The following KDM4C variants were observed in gnomAD, a reference collection of about 807,000 sequenced individuals.
KDM4C encodes lysine demethylase 4C, also known as lysine-specific demethylase 4C.
Under a neutral mutation model 129.3 loss-of-function variants are expected in KDM4C, and 81 were observed. The observed-to-expected ratio is 0.63, with a 90% confidence interval of 0.52 to 0.75. KDM4C has a LOEUF of 0.75. Ranked by LOEUF, KDM4C falls within the 30% of genes least tolerant of loss-of-function variation. The pLI is 0.00. For synonymous variants in KDM4C, 573 were observed against 456.1 expected, an observed-to-expected ratio of 1.26 and a Z score of -3.26; for missense variants, 1,457 against 1,304.0, an observed-to-expected ratio of 1.12 and a Z score of -1.81.
chr9:6,875,897 A>T (rs1204310377), intron 5 of KDM4C, among the ~76,000 whole-genome samples: 1 of 152,228 alleles, frequency 6.6e-6, no homozygotes, highest in Non-Finnish European at 1.5e-5. Context: ...CTAGCAGCAC[A>T]TCTATTATAA....
At chr9:6,885,382 G>C (rs1416529944) in intron 6 of KDM4C, among the ~76,000 whole-genome samples, 2 of 152,172 alleles carry the variant, frequency 1.3e-5, no homozygotes, top group African/African-American at 4.8e-5. Context: ...TGATCCTTGA[G>C]AGAGCTTATG....
At chr9:6,983,611 C>CACACACACACACACAT (rs1392943833) in intron 9 of KDM4C, among the ~76,000 whole-genome samples, 5 of 144,124 alleles carry the variant, frequency 3.5e-5, no homozygotes, top group African/African-American at 1.3e-4. Flanking sequence ...CACACACACA[C>CACACACACACACACAT]ACCAGTTAGC....
intron 8 of KDM4C, among the ~76,000 whole-genome samples, chr9:6,894,586 C>G (rs1846564166): frequency 6.6e-6 from 1 of 152,212 alleles, no homozygotes; most frequent in Non-Finnish European, 1.5e-5. Flanking sequence ...AATATTGATT[C>G]TTGTTTAATA....
chr9:6,782,464 C>T (rs1442244696), intron 1 of KDM4C, among the ~76,000 whole-genome samples: 1 of 152,086 alleles, frequency 6.6e-6, no homozygotes, highest in Non-Finnish European at 1.5e-5. Context: ...ATTCATGGTC[C>T]CTCTCTCAAT....
At chr9:6,752,451 C>T (rs2130309973) in intron 1 of KDM4C, among the ~76,000 whole-genome samples, 1 of 148,176 alleles carries the variant, frequency 6.7e-6, no homozygotes, top group Admixed American at 6.7e-5. Flanking sequence ...GCTCTTGTTG[C>T]CCAAGCTGGA....
chr9:6,805,763 C>T lies in KDM4C; in HGVS notation c.309C>T (p.Ala103=). Reference sequence around the variant, plus strand: ...CTGTGAAGGAGTTCAGGCAGCTGGCCAACAGTGGCAAGTGAGTAGAATCAG... The same window carrying T: ...CTGTGAAGGAGTTCAGGCAGCTGGCTAACAGTGGCAAGTGAGTAGAATCAG... ...AMTVKEFRQL[A]NSGKYCTPRY... is the part of the protein sequence containing the mutation. Residue 103 remains alanine (A), a synonymous_variant, in exon 3 of 22, where the codon GCC becomes GCT. Coordinates refer to ENST00000381309, the MANE Select transcript of KDM4C (RefSeq NM_015061.6). 1 of 1,611,226 alleles carries T rather than the reference C, an allele frequency of 6.2e-7. No individual in the cohort carries two copies. The highest frequency in any genetic ancestry group is 8.5e-7 in the Non-Finnish European group (1 of 1,179,068).
In KDM4C at chr9:7,061,777, C is replaced by T. The variant is rs114167819; in HGVS notation, c.2424+12577C>T. On this transcript the variant is annotated intron_variant, in intron 17 of 21. Coordinates refer to ENST00000381309, the MANE Select transcript of KDM4C (RefSeq NM_015061.6). ...TTTACTGGCTCTGAGAGTAAACCTT[C>T]AGGTTTTTTTCTTATTTTGTGGCAG... Among the ~76,000 whole-genome samples the T allele has an allele frequency of 1.8e-3, 271 of 152,338 alleles. 1 individual carries two copies. Among genetic ancestry groups the T allele is most frequent in the Admixed American group, 6.7e-3 (102 of 15,306 alleles).
chr9:6,772,851 A>G lies in KDM4C; in HGVS notation c.-18+14648A>G, dbSNP rs963975903. On this transcript the variant is annotated intron_variant, in intron 1 of 21. Coordinates refer to ENST00000381309, the MANE Select transcript of KDM4C (RefSeq NM_015061.6). ...GGGATTACAGGTGCGTGCCACCCCCATGCCTGGCCAATTTTTGTATTTTTA... is the reference window on the plus strand; with the variant it reads ...GGGATTACAGGTGCGTGCCACCCCCGTGCCTGGCCAATTTTTGTATTTTTA... 5.9e-5 allele frequency among the ~76,000 whole-genome samples: 8 copies of G among 135,514 alleles called. No individual in the cohort carries two copies. The East Asian group carries it at 1.2e-3, about 20-fold the overall frequency. The allele number at this position is 135,514 out of a possible 152,430, so 88.9% of individuals were successfully genotyped here. A position where few individuals can be genotyped will look rare whatever the true frequency, so the allele number is the denominator to read the frequency against.
chr9:7,002,777 T>A (rs1820964530), intron 12 of KDM4C, among the ~76,000 whole-genome samples: 1 of 152,222 alleles, frequency 6.6e-6, no homozygotes, highest in African/African-American at 2.4e-5. Flanking sequence ...CTCATAGACA[T>A]GAATTCACTT....
chr9:6,951,345 A>C (rs1257411050), intron 8 of KDM4C, among the ~76,000 whole-genome samples: 1 of 152,220 alleles, frequency 6.6e-6, no homozygotes, highest in African/African-American at 2.4e-5. Context: ...TTATAAATTA[A>C]AACCTGATAA....
intron 14 of KDM4C, 28 bp from the exon 15 acceptor site, chr9:7,015,825 C>G (rs770769812): frequency 6.7e-7 from 1 of 1,488,606 alleles, no homozygotes; most frequent in Non-Finnish European, 9.4e-7. Flanking sequence ...AAAGACCTAA[C>G]GCATGGATAC....
chr9:6,776,345 C>T (rs1228370773), intron 1 of KDM4C, among the ~76,000 whole-genome samples: 2 of 152,118 alleles, frequency 1.3e-5, no homozygotes, highest in South Asian at 2.1e-4. Flanking sequence ...CTTACTGCAA[C>T]CTCTGCCTCC....
intron 15 of KDM4C, among the ~76,000 whole-genome samples, chr9:7,032,158 C>T (rs1481119092): frequency 5.3e-5 from 8 of 152,178 alleles, no homozygotes; most frequent in Admixed American, 6.5e-5. Flanking sequence ...CTTTGACTCC[C>T]AACACTGTTT....
chr9:6,926,681 C>T (rs1020605860), intron 8 of KDM4C, among the ~76,000 whole-genome samples: 6 of 152,148 alleles, frequency 3.9e-5, no homozygotes, highest in African/African-American at 1.2e-4. Flanking sequence ...CCAGGCACTG[C>T]TTATCACAGC....
intron 4 of KDM4C, among the ~76,000 whole-genome samples, chr9:6,841,121 A>G (rs935220161): frequency 2.6e-5 from 4 of 152,234 alleles, no homozygotes; most frequent in Non-Finnish European, 5.9e-5. Context: ...AGATTCTTAC[A>G]GAATCTAGGT....
At position 6,905,640 on chromosome 9, in the gene KDM4C, A is replaced by T. The variant is rs1656164120; in HGVS notation, c.921+12408A>T. ...CGTAACAGATAACTGCCGTTCTCAG[A>T]TTTGTAGGTGGGTTTAACTATAGCA... On this transcript the variant is annotated intron_variant, in intron 8 of 21. Transcript: ENST00000381309. Among the ~76,000 whole-genome samples the T allele has an allele frequency of 2.6e-5, 4 of 152,196 alleles. No homozygotes were observed. The South Asian group carries it at 8.3e-4, about 31-fold the overall frequency.
intron 14 of KDM4C, among the ~76,000 whole-genome samples, chr9:7,014,901 T>C (rs1478874434): frequency 7.1e-6 from 1 of 139,896 alleles, no homozygotes; most frequent in Admixed American, 7.9e-5. Flanking sequence ...CTTTTTGTAT[T>C]GAAGGCAATT....
At chr9:6,819,798 A>T (rs2131201278) in intron 4 of KDM4C, among the ~76,000 whole-genome samples, 2 of 152,352 alleles carry the variant, frequency 1.3e-5, no homozygotes, top group Middle Eastern at 6.8e-3. Flanking sequence ...TGTGCATTTA[A>T]AAAGCCCATG....
intron 5 of KDM4C, among the ~76,000 whole-genome samples, chr9:6,868,571 C>A (rs1277189148): frequency 6.6e-6 from 1 of 152,182 alleles, no homozygotes; most frequent in Non-Finnish European, 1.5e-5. Context: ...TACATCATTT[C>A]TAGATTACTT....
Sources: gnomAD v4.1 joint callset for allele counts (sites outside exome capture counted in the v4.1 genomes callset) on GRCh38, gnomAD v4.1.1 for gene constraint, MANE v1.5 for transcripts, NCBI Gene and HGNC (gene_info 2026-07-23, HGNC 2026-07-21) for gene names.